AK5: variants seen among roughly 807,000 people sequenced by gnomAD.
AK5 encodes adenylate kinase 5.
In AK5, 27 loss-of-function variants were observed where a neutral mutation model predicts 69.5. That is an observed-to-expected ratio of 0.39 (90% CI 0.29 to 0.54). The LOEUF is 0.54. AK5 is among the 20% of genes least tolerant of loss of function. AK5 has a pLI of 0.71. For synonymous variants in AK5, 260 were observed against 244.4 expected (o/e 1.06, Z -0.60); for missense variants, 531 against 700.4 (o/e 0.76, Z 2.73).
At chr1:77,430,548 CT>C (rs1418431264) in intron 8 of AK5, among the ~76,000 whole-genome samples, 3 of 152,006 alleles carry the variant, frequency 2.0e-5, no homozygotes, top group Non-Finnish European at 2.9e-5. Context: ...ATTTGTGAGC[CT>C]TTTTAATATA....
Position 77,336,493 on chromosome 1 carries a change from T to C in AK5, c.700-3884T>C, listed in dbSNP as rs576013825. Among the ~76,000 whole-genome samples, 8 of 152,336 alleles carry C rather than the reference T, an allele frequency of 5.3e-5. No homozygotes were observed. In the East Asian group the frequency reaches 1.5e-3, roughly 29 times the overall value. ...ATCCCCTCATTTTTAAACTTTTTTG[T>C]TGTTTTTATTTATATCTTATGTCTT... On this transcript the variant is annotated intron_variant, in intron 5 of 13. Coordinates refer to ENST00000354567, the MANE Select transcript of AK5 (RefSeq NM_174858.3).
intron 10 of AK5, among the ~76,000 whole-genome samples, chr1:77,491,771 C>G (rs1405251732): frequency 6.6e-6 from 1 of 152,182 alleles, no homozygotes; most frequent in Non-Finnish European, 1.5e-5. Context: ...GTACCAGACA[C>G]TACATAAAGC....
At chr1:77,367,385 G>A (rs932228464) in intron 6 of AK5, among the ~76,000 whole-genome samples, 2 of 150,054 alleles carry the variant, frequency 1.3e-5, no homozygotes, top group Non-Finnish European at 3.0e-5. Flanking sequence ...CTGCAGTGCA[G>A]TGGAGCAACC....
chr1:77,547,570 C>A (rs1307140048), intron 13 of AK5, among the ~76,000 whole-genome samples: 1 of 152,040 alleles, frequency 6.6e-6, no homozygotes, highest in African/African-American at 2.4e-5. Context: ...CTGTACCCAG[C>A]CATAAAATTC....
At chr1:77,456,572 G>T (rs1219173309) in intron 8 of AK5, among the ~76,000 whole-genome samples, 1 of 152,182 alleles carries the variant, frequency 6.6e-6, no homozygotes, top group Non-Finnish European at 1.5e-5. Flanking sequence ...CACCTTCGAA[G>T]GCACAGACTT....
At chr1:77,548,037 A>AT (rs1034885419) in intron 13 of AK5, among the ~76,000 whole-genome samples, 1 of 152,056 alleles carries the variant, frequency 6.6e-6, no homozygotes, top group African/African-American at 2.4e-5. Flanking sequence ...AGAAAGGATG[A>AT]TTTTTTTTCA....
Position 77,521,810 on chromosome 1 carries a change from C to T in AK5, c.1312-17C>T, listed in dbSNP as rs746059104. 9.4e-6 allele frequency: 15 copies of T among 1,604,258 alleles called. No individual in the cohort carries two copies. Among genetic ancestry groups the T allele is most frequent in the Non-Finnish European group, 1.1e-5 (13 of 1,171,344 alleles). On this transcript the variant is annotated splice_polypyrimidine_tract_variant and intron_variant, in intron 11 of 13. Coordinates refer to ENST00000354567, the MANE Select transcript of AK5 (RefSeq NM_174858.3). Reference sequence around the variant, plus strand: ...TGTGAAAGAGCTCAGGTCCTGACCACTCTCGCTTTGCTCCAGGGCATCGTT... The same window carrying T: ...TGTGAAAGAGCTCAGGTCCTGACCATTCTCGCTTTGCTCCAGGGCATCGTT...
intron 8 of AK5, among the ~76,000 whole-genome samples, chr1:77,444,377 T>A (rs1210941731): frequency 2.3e-4 from 8 of 34,628 alleles, no homozygotes; most frequent in Non-Finnish European, 3.5e-4. Flanking sequence ...AAATATATAC[T>A]ATATATAGTA....
At chr1:77,540,045 A>T (rs1170944617) in intron 13 of AK5, among the ~76,000 whole-genome samples, 2 of 152,196 alleles carry the variant, frequency 1.3e-5, no homozygotes, top group African/African-American at 4.8e-5. Context: ...TCTACCCAGC[A>T]ATGCTGACAT....
chr1:77,282,795 C>G (rs1363630050), intron 1 of AK5: 2 of 994,930 alleles, frequency 2.0e-6, no homozygotes, highest in Non-Finnish European at 2.4e-6. Flanking sequence ...CTCTGCTGGT[C>G]GAGGGTCGGA....
intron 12 of AK5, 27 bp downstream of exon 12, chr1:77,521,970 C>T: frequency 6.6e-7 from 1 of 1,523,812 alleles, no homozygotes; most frequent in Non-Finnish European, 8.9e-7. Context: ...GGCATCCTTC[C>T]AGAAGAAAAA....
At chr1:77,291,249 T>G (rs1339633625) in intron 2 of AK5, among the ~76,000 whole-genome samples, 2 of 152,212 alleles carry the variant, frequency 1.3e-5, no homozygotes. Flanking sequence ...AAATTGTTTT[T>G]GAACTGTCAC....
At chr1:77,367,946 T>TTATATATA (rs71075736) in intron 6 of AK5, among the ~76,000 whole-genome samples, 4 of 39,110 alleles carry the variant, frequency 1.0e-4, no homozygotes, top group Non-Finnish European at 1.1e-4. Flanking sequence ...AATATATATG[T>TTATATATA]TATATATATA....
intron 6 of AK5, among the ~76,000 whole-genome samples, chr1:77,346,827 C>T (rs1324906754): frequency 3.9e-5 from 6 of 152,148 alleles, no homozygotes; most frequent in African/African-American, 9.7e-5. Context: ...AGCATGAACA[C>T]TTATCAGCAA....
chr1:77,440,833 C>T (rs1478310250), intron 8 of AK5, among the ~76,000 whole-genome samples: 3 of 152,102 alleles, frequency 2.0e-5, no homozygotes, highest in East Asian at 1.9e-4. Flanking sequence ...CTCACTGCAA[C>T]CTCCACCTCC....
chr1:77,431,704 A>G (rs1457276160), intron 8 of AK5, among the ~76,000 whole-genome samples: 3 of 152,192 alleles, frequency 2.0e-5, no homozygotes, highest in East Asian at 3.8e-4. Context: ...ATTCTAAATA[A>G]CAGAGAGGGA....
At chr1:77,460,429 C>T (rs1419521010) in intron 8 of AK5, among the ~76,000 whole-genome samples, 1 of 152,210 alleles carries the variant, frequency 6.6e-6, no homozygotes, top group African/African-American at 2.4e-5. Flanking sequence ...TTAGAACATA[C>T]ATTTGTTTGT....
At chr1:77,494,132 G>A (rs764477038) in intron 10 of AK5, among the ~76,000 whole-genome samples, 5 of 152,204 alleles carry the variant, frequency 3.3e-5, no homozygotes, top group African/African-American at 4.8e-5. Context: ...GAGGTTACCA[G>A]TAAAGGGAAT....
At chr1:77,501,303 A>G (rs1466586813) in intron 10 of AK5, among the ~76,000 whole-genome samples, 1 of 152,234 alleles carries the variant, frequency 6.6e-6, no homozygotes, top group African/African-American at 2.4e-5. Flanking sequence ...AGGCAAGGAA[A>G]CACCAGGAGG....
Sources: gnomAD v4.1 joint callset for allele counts (sites outside exome capture counted in the v4.1 genomes callset) on GRCh38, gnomAD v4.1.1 for gene constraint, MANE v1.5 for transcripts, NCBI Gene and HGNC (gene_info 2026-07-23, HGNC 2026-07-21) for gene names.